PPP1R13B: variants seen among roughly 807,000 people sequenced by gnomAD.
PPP1R13B encodes apoptosis-stimulating of p53 protein 1.
Under a neutral mutation model 119.8 loss-of-function variants are expected in PPP1R13B, and 44 were observed. The ratio of observed to expected loss-of-function variants is 0.37; its 90% CI spans 0.29 to 0.47. The LOEUF is 0.47. Among genes scored for constraint, PPP1R13B ranks in the 20% least tolerant of loss-of-function variants. The pLI, the probability that PPP1R13B is intolerant of heterozygous loss-of-function variation, is 0.99. For synonymous variants in PPP1R13B, 542 were observed against 561.5 expected (o/e 0.97, Z 0.49); for missense variants, 1,227 against 1,413.5 (o/e 0.87, Z 2.12).
At position 103,733,613 on chromosome 14, in the gene PPP1R13B, C is replaced by G. The variant is rs1371306301; in HGVS notation, c.*1541G>C. 6.5e-6 allele frequency: 1 copy of G among 152,968 alleles called. No homozygotes were observed. The highest frequency in any genetic ancestry group is 2.4e-5 in the African/African-American group (1 of 41,456). 9.5% of individuals were successfully genotyped at this position (152,968 alleles called of 1,614,324 possible). The stretch of plus-strand genomic sequence containing the variant: ...TCACTATTTCACTTTATTAAGATGA[C>G]TGTACAGCAATTTGTATATAAAGCT... On this transcript the variant is annotated 3_prime_UTR_variant, in exon 17 of 17. Transcript: ENST00000202556.
rs987462498 is a variant in PPP1R13B at position 103,740,285 on chromosome 14, T to C, written c.2131A>G (p.Ile711Val). The C allele has an allele frequency of 4.4e-6, 7 of 1,595,130 alleles. No homozygotes were observed. Among genetic ancestry groups the C allele is most frequent in the African/African-American group, 1.3e-5 (1 of 74,136 alleles). The change falls in exon 12 of 17, where the codon ATC becomes GTC. Residue 711 changes from isoleucine to valine, a missense_variant. Transcript: ENST00000202556. The surrounding 1 kb of genome is among the most constrained non-coding windows in gnomAD (Gnocchi z 4.6). ...CCGCCGGGGCCCTCGGGCTCTGTGA[T>C]GGAGCTGCGCTTTTTCAGGGGCCGG... ...APRPLKKRSS[I>V]TEPEGPGGPN...
At chr14:103,762,437 G>A (rs368527762) in intron 4 of PPP1R13B, among the ~76,000 whole-genome samples, 3 of 134,770 alleles carry the variant, frequency 2.2e-5, no homozygotes, top group Non-Finnish European at 4.7e-5. Context: ...ATCTCACATC[G>A]GGGTCTGTTG....
At chr14:103,736,598 C>A (rs1161538370) in intron 15 of PPP1R13B, 1 of 182,318 alleles carries the variant, frequency 5.5e-6, no homozygotes, top group African/African-American at 2.3e-5. Flanking sequence ...CCTGACTGAG[C>A]AGCTACTTGT....
intron 4 of PPP1R13B, among the ~76,000 whole-genome samples, chr14:103,776,482 T>A (rs550154978): frequency 6.6e-6 from 1 of 152,290 alleles, no homozygotes; most frequent in Admixed American, 6.5e-5. Flanking sequence ...ACACTCTAGA[T>A]TCCATGCACT....
At chr14:103,846,483 T>C (rs2087037014) in intron 1 of PPP1R13B, among the ~76,000 whole-genome samples, 1 of 152,222 alleles carries the variant, frequency 6.6e-6, no homozygotes, top group Admixed American at 6.5e-5. Context: ...ACTTACGATA[T>C]AGGCGCTCAG....
At chr14:103,837,951 T>G (rs1047031523) in intron 1 of PPP1R13B, among the ~76,000 whole-genome samples, 1 of 151,988 alleles carries the variant, frequency 6.6e-6, no homozygotes, top group South Asian at 2.1e-4. Context: ...AAACCCCATC[T>G]CTAATAAAAA....
intron 1 of PPP1R13B, among the ~76,000 whole-genome samples, chr14:103,799,386 G>C (rs139273849): frequency 0.015 from 2,238 of 151,772 alleles, 50 homozygotes; most frequent in African/African-American, 0.052. Flanking sequence ...CACCGTGTTA[G>C]CCAGGCTGGT....
Position 103,734,987 on chromosome 14 carries a change from G to T in PPP1R13B, c.*167C>A. ...TCTCCCAGTTAATGGGCAAACTGGA[G>T]AAAGGGCCTCACCTGGAAACTGTAG... On this transcript the variant is annotated 3_prime_UTR_variant, in exon 17 of 17. Coordinates refer to ENST00000202556, the MANE Select transcript of PPP1R13B (RefSeq NM_015316.3). 1.2e-6 allele frequency: 1 copy of T among 806,006 alleles called. No homozygotes were observed. Among genetic ancestry groups the T allele is most frequent in the Non-Finnish European group, 2.1e-6 (1 of 474,498 alleles). 49.9% of individuals were successfully genotyped at this position (806,006 alleles called of 1,614,324 possible).
At chr14:103,784,080 A>G (rs6575998) in intron 3 of PPP1R13B, among the ~76,000 whole-genome samples, 81,154 of 151,868 alleles carry the variant, frequency 0.53, 22,409 homozygotes, top group African/African-American at 0.69. Context: ...GGAGGCTGAA[A>G]CAGGAGAATC....
rs575663581 is a variant in PPP1R13B at position 103,819,506 on chromosome 14, A to C, written c.10-21988T>G. Among the ~76,000 whole-genome samples the C allele has an allele frequency of 6.3e-4, 94 of 149,180 alleles. 2 individuals are homozygous for C. Among genetic ancestry groups the C allele is most frequent in the East Asian group, 2.3e-3 (12 of 5,144 alleles). On this transcript the variant is annotated intron_variant, in intron 1 of 16. Transcript: ENST00000202556. Reference sequence around the variant, plus strand: ...AATGAGAAATCTGTCTATTAAAAAAAACAAACAAACAAAAAAAAACAACAA... The same window carrying C: ...AATGAGAAATCTGTCTATTAAAAAACACAAACAAACAAAAAAAAACAACAA...
chr14:103,846,789 C>G (rs1189501157), intron 1 of PPP1R13B: 9 of 457,462 alleles, frequency 2.0e-5, no homozygotes, highest in Non-Finnish European at 3.9e-5. Flanking sequence ...ATTGCAGATA[C>G]GGGAAAAGGG....
intron 1 of PPP1R13B, among the ~76,000 whole-genome samples, chr14:103,814,684 G>A (rs892841875): frequency 1.3e-5 from 2 of 152,070 alleles, no homozygotes; most frequent in Admixed American, 6.6e-5. Flanking sequence ...GGTGGCTCAC[G>A]CCTGTAATCC....
chr14:103,739,133 G>A (rs1033311089), intron 12 of PPP1R13B, 110 bp from the exon 13 acceptor site: 26 of 1,447,014 alleles, frequency 1.8e-5, no homozygotes, highest in African/African-American at 1.7e-4. Flanking sequence ...CAGTGGCTCC[G>A]CGAAGCAGCC....
chr14:103,847,299 C>A lies in PPP1R13B; in HGVS notation c.9G>T (p.Pro3=), dbSNP rs1297989798. 8.0e-7 allele frequency: 1 copy of A among 1,254,732 alleles called. No individual in the cohort carries two copies. Among genetic ancestry groups the A allele is most frequent in the Non-Finnish European group, 1.0e-6 (1 of 980,360 alleles). The allele number at this position is 1,254,732 out of a possible 1,614,324, so 77.7% of individuals were successfully genotyped here. The change falls in exon 1 of 17, where the codon CCG becomes CCT. Residue 3 remains proline (P), a splice_region_variant and synonymous_variant. Transcript: ENST00000202556. The part of the protein sequence containing the change: MM[P]MILTVFLSNN... ...CCACCTCCCGCCCGCCCTCACCCAC[C>A]GGCATCATCGCGGGGAGAGTCCGCG...
chr14:103,837,535 T>A (rs757327914), intron 1 of PPP1R13B, among the ~76,000 whole-genome samples: 1 of 151,674 alleles, frequency 6.6e-6, no homozygotes, highest in Non-Finnish European at 1.5e-5. Flanking sequence ...TCTCTCTCTC[T>A]CACACACACT....
chr14:103,808,544 T>C (rs1055769857), intron 1 of PPP1R13B, among the ~76,000 whole-genome samples: 3 of 152,236 alleles, frequency 2.0e-5, no homozygotes, highest in Non-Finnish European at 4.4e-5. Flanking sequence ...CTGGGCCTCC[T>C]GTGGCCCGGT....
chr14:103,835,260 C>A (rs1401190007), intron 1 of PPP1R13B, among the ~76,000 whole-genome samples: 1 of 151,784 alleles, frequency 6.6e-6, no homozygotes, highest in East Asian at 1.9e-4. Context: ...GTAGCTGGGA[C>A]CACTGGTGTC....
chr14:103,812,105 A>G (rs1215874628), intron 1 of PPP1R13B, among the ~76,000 whole-genome samples: 2 of 145,824 alleles, frequency 1.4e-5, no homozygotes, highest in Non-Finnish European at 3.0e-5. Flanking sequence ...AAAACAAGCT[A>G]ATGTTTTTGT....
At chr14:103,776,186 G>GAGGGAGGAAGGA (rs1397618597) in intron 4 of PPP1R13B, among the ~76,000 whole-genome samples, 13 of 76,010 alleles carry the variant, frequency 1.7e-4, no homozygotes, top group East Asian at 1.1e-3. Context: ...GGGAGGGAGG[G>GAGGGAGGAAGGA]AGGAAGGAAG....
Sources: allele counts gnomAD v4.1 joint callset (sites outside exome capture counted in the v4.1 genomes callset), GRCh38; gene constraint gnomAD v4.1.1; non-coding constraint Gnocchi (gnomAD v3.1); transcripts MANE v1.5; gene names NCBI Gene and HGNC (gene_info 2026-07-23, HGNC 2026-07-21).